ABT1: variants seen among roughly 807,000 people sequenced by gnomAD.
The protein encoded by ABT1 is TATA-binding protein-binding protein.
Under a neutral mutation model 14.0 loss-of-function variants are expected in ABT1, and 13 were observed. The observed-to-expected ratio is 0.93, with a 90% CI of 0.61 to 1.48. ABT1 has a LOEUF of 1.48. Among genes scored for constraint, ABT1 ranks in the 40% most tolerant of loss-of-function variants. The pLI is 0.00. For missense variants in ABT1, 430 were observed against 380.0 expected (o/e 1.13, Z -1.09); for synonymous variants, 165 against 144.6 (o/e 1.14, Z -1.01).
chr6:26,596,970 C>G lies in ABT1; in HGVS notation c.-13C>G, dbSNP rs782335352. The G allele has an allele frequency of 1.9e-6, 3 of 1,605,782 alleles. No homozygotes were observed. Among genetic ancestry groups the G allele is most frequent in the Non-Finnish European group, 2.5e-6 (3 of 1,176,642 alleles). ...GGCACTTTACGGCCGTCGTGCCGCT[C>G]GTGTCAGTCAACATGGAGGCAGAGG... On this transcript the variant is annotated 5_prime_UTR_variant, in exon 1 of 3. Coordinates refer to ENST00000274849, the MANE Select transcript of ABT1 (RefSeq NM_013375.4).
Position 26,598,248 on chromosome 6 carries a change from T to G in ABT1, c.439-17T>G. ...TAATCTGCACTATCCTGATCTTTTC[T>G]TCTTTTCTGCCCACAGTACTTGCAC... On this transcript the variant is annotated splice_polypyrimidine_tract_variant and intron_variant, in intron 2 of 2. Transcript: ENST00000274849. 1 of 1,604,438 alleles carries G rather than the reference T, an allele frequency of 6.2e-7. No individual in the cohort carries two copies. Among genetic ancestry groups the G allele is most frequent in the South Asian group, 1.1e-5 (1 of 90,650 alleles).
Position 26,600,632 on chromosome 6 carries a change from T to C in ABT1, c.*1987T>C, listed in dbSNP as rs1279677368. On this transcript the variant is annotated 3_prime_UTR_variant, in exon 3 of 3. Transcript: ENST00000274849. Reference sequence around the variant, plus strand: ...GGAAAATAATTTTTTACATCCACAATTTTGTTTCTATTTAAACAGCACTTG... The same window carrying C: ...GGAAAATAATTTTTTACATCCACAACTTTGTTTCTATTTAAACAGCACTTG... 1 of 152,248 alleles carries C rather than the reference T, an allele frequency of 6.6e-6. No homozygotes were observed. Among genetic ancestry groups the C allele is most frequent in the African/African-American group, 2.4e-5 (1 of 41,472 alleles). 9.4% of individuals were successfully genotyped at this position (152,248 alleles called of 1,614,324 possible). A position where few individuals can be genotyped will look rare whatever the true frequency, so the allele number is the denominator to read the frequency against.
At position 26,600,292 on chromosome 6, in the gene ABT1, A is replaced by G. The variant is rs1581471146; in HGVS notation, c.*1647A>G. On this transcript the variant is annotated 3_prime_UTR_variant, in exon 3 of 3. Coordinates refer to ENST00000274849, the MANE Select transcript of ABT1 (RefSeq NM_013375.4). ...GCCCATTGCTACTTCTGCTAGATAA[A>G]GAGATACCAAGGTGAAGAAGAAACT... The G allele has an allele frequency of 2.6e-5, 4 of 152,376 alleles. No individual in the cohort carries two copies. Among genetic ancestry groups the G allele is most frequent in the African/African-American group, 9.6e-5 (4 of 41,588 alleles). The allele number at this position is 152,376 out of a possible 1,614,324, so 9.4% of individuals were successfully genotyped here. A position where few individuals can be genotyped will look rare whatever the true frequency, so the allele number is the denominator to read the frequency against.
intron 1 of ABT1, 131 bp downstream of exon 1, chr6:26,597,354 G>A: frequency 7.1e-7 from 1 of 1,411,268 alleles, no homozygotes; most frequent in South Asian, 1.4e-5. Context: ...TGGGGAGTGC[G>A]GTGCTTGGCT....
chr6:26,598,397 C>A lies in ABT1; in HGVS notation c.571C>A (p.Arg191=). Residue 191 remains arginine (R), a synonymous_variant, in exon 3 of 3, where the codon CGG becomes AGG. Transcript: ENST00000274849. ...ETDFYLQSVE[R]GQRFLAADGD... is the part of the protein sequence containing the mutation. ...CGACTTCTATCTTCAAAGTGTGGAA[C>A]GGGGACAACGCTTTCTTGCGGCCGA... The A allele has an allele frequency of 1.2e-6, 2 of 1,614,244 alleles. No homozygotes were observed. The highest frequency in any genetic ancestry group is 1.1e-5 in the South Asian group (1 of 91,092).
Position 26,597,016 on chromosome 6 carries a change from G to T in ABT1, c.34G>T (p.Glu12Ter), listed in dbSNP as rs1347178825. ...AGAGGAATCGGAGAAGGCCGCAACG[G>T]AGCAAGAGCCGCTGGAAGGGACAGA... The part of the protein sequence containing the change: ...EAEESEKAAT[E>*]QEPLEGTEQT... The change falls in exon 1 of 3, where the codon GAG becomes TAG. Residue 12 changes from glutamate (E) to a stop codon, truncating the protein, a stop_gained. Transcript: ENST00000274849. LOFTEE classifies it high-confidence loss of function. 1 of 1,613,232 alleles carries T rather than the reference G, an allele frequency of 6.2e-7. No individual in the cohort carries two copies. The highest frequency in any genetic ancestry group is 1.3e-5 in the African/African-American group (1 of 75,026).
At position 26,598,859 on chromosome 6, in the gene ABT1, TAGC is replaced by T; in HGVS notation, c.*216_*218del. ...AGTCACCTAATTCATACTGTCATAC[TAGC>T]ATAATTATGACTATTGCATATGCTT... On this transcript the variant is annotated 3_prime_UTR_variant, in exon 3 of 3. Transcript: ENST00000274849. The T allele has an allele frequency of 1.9e-6, 1 of 524,230 alleles. No individual in the cohort carries two copies. Among genetic ancestry groups the T allele is most frequent in the East Asian group, 3.0e-5 (1 of 32,912 alleles). The allele number at this position is 524,230 out of a possible 1,614,324, so 32.5% of individuals were successfully genotyped here.
rs782604281 is a variant in ABT1, at chr6:26,598,019, G to A, written c.347G>A (p.Arg116His). 1.2e-6 allele frequency: 2 copies of A among 1,614,174 alleles called. No individual in the cohort carries two copies. Among genetic ancestry groups the A allele is most frequent in the Admixed American group, 1.7e-5 (1 of 60,032 alleles). ...GGATGGGTGGAGTTCCGTGACAAGC[G>A]CATAGCCAAGCGCGTGGCGGCCAGT... ...TEGWVEFRDK[R>H]IAKRVAASLH... The change falls in exon 2 of 3, where the codon CGC (arginine) becomes CAC (histidine). Residue 116 changes from arginine to histidine, a missense_variant. Transcript: ENST00000274849.
Position 26,598,015 on chromosome 6 carries a change from A to C in ABT1, c.343A>C (p.Lys115Gln). Residue 115 changes from lysine to glutamine, a missense_variant, in exon 2 of 3, where the codon AAG becomes CAG. Transcript: ENST00000274849. ...YTEGWVEFRD[K>Q]RIAKRVAASL... ...CGAGGGATGGGTGGAGTTCCGTGAC[A>C]AGCGCATAGCCAAGCGCGTGGCGGC... The C allele has an allele frequency of 2.5e-6, 4 of 1,614,228 alleles. No homozygotes were observed. The highest frequency in any genetic ancestry group is 3.4e-6 in the Non-Finnish European group (4 of 1,180,034).
In ABT1 at chr6:26,598,482, A is replaced by G. The variant is rs781923627; in HGVS notation, c.656A>G (p.Glu219Gly). The change falls in exon 3 of 3, where the codon GAA becomes GGA. Residue 219 changes from glutamate (E) to glycine (G), a missense_variant. Glu to Gly is a moderately conservative substitution (Grantham distance 98). Coordinates refer to ENST00000274849, the MANE Select transcript of ABT1 (RefSeq NM_013375.4). The part of the protein sequence containing the change: ...WTFAQRPTEQ[E>G]LRARKAARPG... ...TTTGCCCAGCGTCCTACTGAGCAGG[A>G]ACTGAGGGCCCGTAAAGCAGCACGG... The G allele has an allele frequency of 6.2e-7, 1 of 1,614,128 alleles. No individual in the cohort carries two copies. The highest frequency in any genetic ancestry group is 8.5e-7 in the Non-Finnish European group (1 of 1,179,984).
chr6:26,598,201 C>T, intron 2 of ABT1, 64 bp from the exon 3 acceptor site: 2 of 1,574,862 alleles, frequency 1.3e-6, no homozygotes, highest in Non-Finnish European at 1.7e-6. Flanking sequence ...TTGGCCTTGT[C>T]CCCTTGTCTC....
chr6:26,598,686 T>C lies in ABT1; in HGVS notation c.*41T>C. ...CTTCCATTTCCTGGCCCTGCTCTGC[T>C]TCCTGTCTACCTCATACTAGAATGA... On this transcript the variant is annotated 3_prime_UTR_variant, in exon 3 of 3. Coordinates refer to ENST00000274849, the MANE Select transcript of ABT1 (RefSeq NM_013375.4). The C allele has an allele frequency of 6.6e-7, 1 of 1,507,690 alleles. No homozygotes were observed. Among genetic ancestry groups the C allele is most frequent in the African/African-American group, 1.4e-5 (1 of 71,816 alleles). 93.4% of individuals were successfully genotyped at this position (1,507,690 alleles called of 1,614,324 possible). A position where few individuals can be genotyped will look rare whatever the true frequency, so the allele number is the denominator to read the frequency against.
intron 1 of ABT1, among the ~76,000 whole-genome samples, chr6:26,597,504 C>T (rs1195511163): frequency 6.6e-6 from 1 of 152,176 alleles, no homozygotes; most frequent in Non-Finnish European, 1.5e-5. Flanking sequence ...GCTCTGTTCA[C>T]CTCTCTTTCC....
Position 26,598,081 on chromosome 6 carries a change from C to A in ABT1, c.409C>A (p.Pro137Thr). The A allele has an allele frequency of 6.2e-7, 1 of 1,613,054 alleles. No individual in the cohort carries two copies. The highest frequency in any genetic ancestry group is 1.1e-5 in the South Asian group (1 of 91,040). The change falls in exon 2 of 3, where the codon CCC (proline) becomes ACC (threonine). Residue 137 changes from proline to threonine, a missense_variant. By Grantham distance (38) the Pro-to-Thr change is conservative. Transcript: ENST00000274849. Reference sequence around the variant, plus strand: ...GCCTATGGGTGCCCGCAGGCGCAGCCCCTTCCGTTATGATCTTTGGAACCT... The same window carrying A: ...GCCTATGGGTGCCCGCAGGCGCAGCACCTTCCGTTATGATCTTTGGAACCT... ...NTPMGARRRS[P>T]FRYDLWNLKY...
Position 26,598,578 on chromosome 6 carries a change from C to T in ABT1, c.752C>T (p.Ala251Val). The T allele has an allele frequency of 6.2e-7, 1 of 1,602,712 alleles. No homozygotes were observed. Among genetic ancestry groups the T allele is most frequent in the Non-Finnish European group, 8.5e-7 (1 of 1,171,468 alleles). The change falls in exon 3 of 3, where the codon GCC (alanine) becomes GTC (valine). Residue 251 changes from alanine (A) to valine (V), a missense_variant. Transcript: ENST00000274849. ...DKARSNKGLL[A>V]RIFGAPPPSE... The stretch of plus-strand genomic sequence containing the variant: ...GCCCGCTCCAACAAAGGGCTCCTGG[C>T]CAGGATCTTTGGAGCCCCGCCACCC...
chr6:26,597,134 G>C lies in ABT1; in HGVS notation c.152G>C (p.Gly51Ala). Residue 51 changes from glycine (G) to alanine (A), a missense_variant, in exon 1 of 3, where the codon GGC (glycine) becomes GCC (alanine). By Grantham distance (60) the Gly-to-Ala change is moderately conservative. Transcript: ENST00000274849. Reference protein sequence around the residue: ...KRVVPGIVYLGHIPPRFRPLH... With the variant: ...KRVVPGIVYLAHIPPRFRPLH... ...GTAGTGCCAGGTATTGTGTACCTGGGCCATATCCCGCCGCGCTTCCGGCCC... is the reference window on the plus strand; with the variant it reads ...GTAGTGCCAGGTATTGTGTACCTGGCCCATATCCCGCCGCGCTTCCGGCCC... 3.7e-6 allele frequency: 6 copies of C among 1,614,146 alleles called. No individual in the cohort carries two copies. Among genetic ancestry groups the C allele is most frequent in the Non-Finnish European group, 5.1e-6 (6 of 1,180,014 alleles).
At chr6:26,597,708 C>A (rs1184450368) in intron 1 of ABT1, among the ~76,000 whole-genome samples, 3 of 152,174 alleles carry the variant, frequency 2.0e-5, no homozygotes, top group Non-Finnish European at 4.4e-5. Context: ...GCGTTCAGGG[C>A]TGGCCAGATT....
chr6:26,598,445 G>C lies in ABT1; in HGVS notation c.619G>C (p.Gly207Arg). 1 of 1,614,250 alleles carries C rather than the reference G, an allele frequency of 6.2e-7. No homozygotes were observed. The highest frequency in any genetic ancestry group is 8.5e-7 in the Non-Finnish European group (1 of 1,180,044). Residue 207 changes from glycine to arginine, a missense_variant, in exon 3 of 3, where the codon GGC becomes CGC. Transcript: ENST00000274849. ...AADGDPARPDGSWTFAQRPTE... is the reference protein window; with the variant it reads ...AADGDPARPDRSWTFAQRPTE... ...CGATGGGGACCCTGCTCGCCCAGAT[G>C]GCTCCTGGACATTTGCCCAGCGTCC... is the stretch of plus-strand genomic sequence containing the variant.
In ABT1 at chr6:26,598,557, G is replaced by A. The variant is rs782331939; in HGVS notation, c.731G>A (p.Arg244His). The A allele has an allele frequency of 8.1e-6, 13 of 1,610,538 alleles. No homozygotes were observed. The highest frequency in any genetic ancestry group is 7.7e-5 in the South Asian group (7 of 91,022). The stretch of plus-strand genomic sequence containing the variant: ...CTGGCAACTGCCCAGGACAAGGCCC[G>A]CTCCAACAAAGGGCTCCTGGCCAGG... Reference protein sequence around the residue: ...ARLATAQDKARSNKGLLARIF... With the variant: ...ARLATAQDKAHSNKGLLARIF... The change falls in exon 3 of 3, where the codon CGC becomes CAC. Residue 244 changes from arginine to histidine, a missense_variant. Arg to His is a conservative substitution (Grantham distance 29). Transcript: ENST00000274849.
Sources: allele counts gnomAD v4.1 joint callset (sites outside exome capture counted in the v4.1 genomes callset), GRCh38; gene constraint gnomAD v4.1.1; transcripts MANE v1.5; gene names NCBI Gene and HGNC (gene_info 2026-07-23, HGNC 2026-07-21).